ARHGAP39: variants seen among roughly 807,000 people sequenced by gnomAD.
ARHGAP39 encodes rho GTPase-activating protein 39.
Under a neutral mutation model 106.9 loss-of-function variants are expected in ARHGAP39, and 44 were observed. The ratio of observed to expected loss-of-function variants is 0.41; its 90% CI spans 0.32 to 0.53. ARHGAP39 has a LOEUF of 0.53. Among genes scored for constraint, ARHGAP39 ranks in the 20% least tolerant of loss-of-function variants. The pLI is 0.21. For synonymous variants in ARHGAP39, 768 were observed against 693.2 expected (o/e 1.11, Z -1.69); for missense variants, 1,496 against 1,577.3 (o/e 0.95, Z 0.87).
Position 144,591,159 on chromosome 8 carries a change from C to T in ARHGAP39, c.81-9882G>A, listed in dbSNP as rs1276269668. 1.3e-5 allele frequency among the ~76,000 whole-genome samples: 2 copies of T among 152,174 alleles called. No homozygotes were observed. The highest frequency in any genetic ancestry group is 6.5e-5 in the Admixed American group (1 of 15,282). On this transcript the variant is annotated intron_variant, in intron 2 of 11. Coordinates refer to ENST00000377307, the MANE Select transcript of ARHGAP39 (RefSeq NM_025251.3). This position sits in a 1 kb window ranked among gnomAD's most constrained non-coding sequence, Gnocchi z 5.3. ...CCTGGGGTGCAAGGCCAGAGGCTCA[C>T]GGTCCCCCAGCAGGTGCCTTCCCTG...
intron 2 of ARHGAP39, among the ~76,000 whole-genome samples, chr8:144,594,084 G>A (rs371079674): frequency 1.2e-4 from 15 of 121,848 alleles, no homozygotes; most frequent in African/African-American, 4.1e-4. Flanking sequence ...GTGAGACTCC[G>A]TCTCAAAAAA....
At position 144,647,711 on chromosome 8, in the gene ARHGAP39, A is replaced by G. The variant is rs1261644755; in HGVS notation, c.-82+37975T>C. ...AGCTGGGGGACAGTCCTGGAGACCAATGCAGAATGCAGAGAAAGCAAGACG... is the reference window on the plus strand; with the variant it reads ...AGCTGGGGGACAGTCCTGGAGACCAGTGCAGAATGCAGAGAAAGCAAGACG... On this transcript the variant is annotated intron_variant, in intron 1 of 11. Transcript: ENST00000377307. This position sits in a 1 kb window ranked among gnomAD's most constrained non-coding sequence, Gnocchi z 4.8. Among the ~76,000 whole-genome samples the G allele has an allele frequency of 1.3e-5, 2 of 152,260 alleles. No individual in the cohort carries two copies. The highest frequency in any genetic ancestry group is 3.2e-3 in the Middle Eastern group (1 of 316).
the ARHGAP39 span, among the ~76,000 whole-genome samples, chr8:144,694,721 C>T: frequency 3.9e-5 from 6 of 152,252 alleles, no homozygotes; most frequent in East Asian, 3.9e-4. Context: ...CATGGCAGTG[C>T]GGCAAAAGCC....
In ARHGAP39 at chr8:144,530,174, G is replaced by A; in HGVS notation, c.*248C>T. ...AGCTGACCCGCGGCCAGCGGAGGGC[G>A]AGGCGGTGCCCGCGGGAACTGGCCG... On this transcript the variant is annotated 3_prime_UTR_variant, in exon 12 of 12. Transcript: ENST00000377307. The A allele has an allele frequency of 3.8e-6, 2 of 528,400 alleles. No individual in the cohort carries two copies. The highest frequency in any genetic ancestry group is 6.7e-6 in the Non-Finnish European group (2 of 299,530). The allele number at this position is 528,400 out of a possible 1,614,324, so 32.7% of individuals were successfully genotyped here. A position where few individuals can be genotyped will look rare whatever the true frequency, so the allele number is the denominator to read the frequency against.
chr8:144,626,882 G>C (rs188930584), intron 1 of ARHGAP39, among the ~76,000 whole-genome samples: 20 of 152,354 alleles, frequency 1.3e-4, no homozygotes, highest in African/African-American at 4.8e-4. Flanking sequence ...GAAAGGCACA[G>C]CATGGAGGCA....
chr8:144,699,038 C>A, the ARHGAP39 span: 1 of 367,312 alleles, frequency 2.7e-6, no homozygotes, highest in African/African-American at 2.1e-5. Flanking sequence ...TCCTGGAGTT[C>A]CAGGGCTTCT....
At chr8:144,623,614 T>C (rs896349628) in intron 1 of ARHGAP39, among the ~76,000 whole-genome samples, 3 of 152,178 alleles carry the variant, frequency 2.0e-5, no homozygotes, top group African/African-American at 7.2e-5. Context: ...GCACCCGACG[T>C]CTGCAGCGAC....
At chr8:144,554,640 C>T (rs947283177) in intron 4 of ARHGAP39, among the ~76,000 whole-genome samples, 5 of 152,318 alleles carry the variant, frequency 3.3e-5, no homozygotes, top group African/African-American at 7.2e-5. Flanking sequence ...CCTTCCACTA[C>T]GAGCTCTGTC....
chr8:144,603,687 CAAAAA>C (rs922284218), intron 2 of ARHGAP39, among the ~76,000 whole-genome samples: 4 of 77,694 alleles, frequency 5.1e-5, no homozygotes, highest in African/African-American at 8.7e-5. Context: ...GAGACTCCAT[CAAAAA>C]AAAAAAAAAA....
At chr8:144,617,204 G>GT (rs1285744625) in intron 1 of ARHGAP39, among the ~76,000 whole-genome samples, 4 of 148,616 alleles carry the variant, frequency 2.7e-5, no homozygotes, top group Non-Finnish European at 4.4e-5. Context: ...GAGACTCTGT[G>GT]TAAAAAAAAA....
upstream of ARHGAP39, among the ~76,000 whole-genome samples, chr8:144,688,270 A>G (rs922185510): frequency 2.0e-5 from 3 of 151,888 alleles, no homozygotes. Flanking sequence ...CTCCTGGCTA[A>G]TTTTTTGTAT....
At chr8:144,601,727 G>A (rs1563699662) in intron 2 of ARHGAP39, among the ~76,000 whole-genome samples, 1 of 142,252 alleles carries the variant, frequency 7.0e-6, no homozygotes, top group African/African-American at 2.6e-5. Flanking sequence ...TCATGTACCT[G>A]TGTGTGTGCG....
intron 6 of ARHGAP39, among the ~76,000 whole-genome samples, chr8:144,539,783 G>C (rs763546661): frequency 2.5e-4 from 38 of 152,198 alleles, no homozygotes; most frequent in Admixed American, 2.5e-3. Context: ...CTCAAGGCTA[G>C]TGCCACACTC....
At chr8:144,561,401 A>C (rs1319928411) in intron 3 of ARHGAP39, among the ~76,000 whole-genome samples, 1 of 143,550 alleles carries the variant, frequency 7.0e-6, no homozygotes, top group Non-Finnish European at 1.5e-5. Context: ...AGTGGTGTCC[A>C]TCACACTCCA....
intron 1 of ARHGAP39, among the ~76,000 whole-genome samples, chr8:144,662,543 CACATTAT>C: frequency 1.3e-5 from 2 of 150,594 alleles, no homozygotes; most frequent in Non-Finnish European, 1.5e-5. Flanking sequence ...CTCCTTCCTC[CACATTAT>C]CCACCTTGGA....
At chr8:144,596,289 C>A (rs1274356307) in intron 2 of ARHGAP39, among the ~76,000 whole-genome samples, 5 of 150,748 alleles carry the variant, frequency 3.3e-5, no homozygotes, top group Non-Finnish European at 7.4e-5. Flanking sequence ...GCCACCCCGG[C>A]ACTCTCCACC....
Position 144,580,850 on chromosome 8 carries a change from C to G in ARHGAP39, c.508G>C (p.Gly170Arg). Residue 170 changes from glycine to arginine, a missense_variant, in exon 3 of 12, where the codon GGC becomes CGC. By Grantham distance (125) the Gly-to-Arg change is moderately radical. Around this residue, in one of 4 missense-constraint regions of ARHGAP39, gnomAD observed 905 missense variants for 816.4 expected, o/e 1.11. Coordinates refer to ENST00000377307, the MANE Select transcript of ARHGAP39 (RefSeq NM_025251.3). ...AGCAGCTGCCCCCGCCCTCACCTGCCGCTGTCCTCCTTCACTGTCCCAAAC... is the reference window on the plus strand; with the variant it reads ...AGCAGCTGCCCCCGCCCTCACCTGCGGCTGTCCTCCTTCACTGTCCCAAAC... ...AAFGTVKEDS[G>R]SSSPPGVFLE... 2 of 1,551,516 alleles carry G rather than the reference C, an allele frequency of 1.3e-6. No homozygotes were observed. Among genetic ancestry groups the G allele is most frequent in the Non-Finnish European group, 1.7e-6 (2 of 1,155,758 alleles).
intron 7 of ARHGAP39, among the ~76,000 whole-genome samples, chr8:144,535,703 G>A (rs987461759): frequency 3.3e-5 from 5 of 152,218 alleles, no homozygotes; most frequent in African/African-American, 1.2e-4. Context: ...GCCCCTGGTG[G>A]GACAAACACC....
chr8:144,619,563 A>G (rs1261117627), intron 1 of ARHGAP39, among the ~76,000 whole-genome samples: 1 of 144,284 alleles, frequency 6.9e-6, no homozygotes, highest in Non-Finnish European at 1.5e-5. Flanking sequence ...AGACAGCGTG[A>G]GTACCCGTGT....
Sources: allele counts gnomAD v4.1 joint callset (sites outside exome capture counted in the v4.1 genomes callset), GRCh38; gene constraint gnomAD v4.1.1; regional missense constraint gnomAD v4.1.1; non-coding constraint Gnocchi (gnomAD v3.1); transcripts MANE v1.5; gene names NCBI Gene and HGNC (gene_info 2026-07-23, HGNC 2026-07-21).